SLC45A4: variants seen among roughly 807,000 people sequenced by gnomAD.
The protein encoded by SLC45A4 is polyamine-transporter SLC45A4.
In SLC45A4, 32 loss-of-function variants were observed where a neutral mutation model predicts 63.7. That is an observed-to-expected ratio of 0.50 (90% CI 0.38 to 0.67). The LOEUF is 0.67. Ranked by LOEUF, SLC45A4 falls within the 30% of genes least tolerant of loss-of-function variation. The probability of loss-of-function intolerance (pLI) is 0.00; values close to 1 mark genes in which losing one functional copy is unlikely to be tolerated. For synonymous variants in SLC45A4, 535 were observed against 510.0 expected, an observed-to-expected ratio of 1.05 and a Z score of -0.66; for missense variants, 1,027 against 1,157.7, an observed-to-expected ratio of 0.89 and a Z score of 1.64.
rs893029371 is a variant in SLC45A4 at position 141,210,748 on chromosome 8, C to CA, written c.*823dup. The CA allele has an allele frequency of 9.9e-5, 15 of 152,270 alleles. No homozygotes were observed. The highest frequency in any genetic ancestry group is 3.4e-4 in the African/African-American group (14 of 41,554). 9.4% of individuals were successfully genotyped at this position (152,270 alleles called of 1,614,324 possible). On this transcript the variant is annotated 3_prime_UTR_variant, in exon 9 of 9. Transcript: ENST00000517878. The stretch of plus-strand genomic sequence containing the variant: ...ATTTCAAAGTACTTTATTTAAAAAA[C>CA]AACTTGAGGCAGCAAAAGTATTAAT...
intron 1 of SLC45A4, among the ~76,000 whole-genome samples, chr8:141,297,169 C>T (rs1246551471): frequency 6.6e-6 from 1 of 152,184 alleles, no homozygotes; most frequent in Non-Finnish European, 1.5e-5. Context: ...TCTACACCAT[C>T]CACTTGGTGC....
At chr8:141,233,049 G>A (rs1827446757) in intron 2 of SLC45A4, among the ~76,000 whole-genome samples, 1 of 152,268 alleles carries the variant, frequency 6.6e-6, no homozygotes, top group African/African-American at 2.4e-5. Context: ...CAAGGCGAAA[G>A]GGAGTCGGGC....
At chr8:141,287,410 A>G (rs1323906352) in intron 1 of SLC45A4, among the ~76,000 whole-genome samples, 1 of 152,188 alleles carries the variant, frequency 6.6e-6, no homozygotes, top group Non-Finnish European at 1.5e-5. Flanking sequence ...AATAACCCAC[A>G]CGCAGGGCAC....
chr8:141,238,796 CCCACAGTACAGCTGCCA>C (rs1827752234), intron 2 of SLC45A4, among the ~76,000 whole-genome samples: 1 of 152,184 alleles, frequency 6.6e-6, no homozygotes, highest in Non-Finnish European at 1.5e-5. Flanking sequence ...GGTGCCTGCA[CCCACAGTACAGCTGCCA>C]GGGGGCCGGC....
At chr8:141,217,059 C>T (rs745528826) in intron 6 of SLC45A4, 31 bp downstream of exon 6, 24 of 1,603,050 alleles carry the variant, frequency 1.5e-5, no homozygotes, top group Admixed American at 8.4e-5. Flanking sequence ...TTCTGGGGTG[C>T]GAGTGCTGAC....
intron 2 of SLC45A4, among the ~76,000 whole-genome samples, chr8:141,249,156 G>A (rs141469816): frequency 1.0e-3 from 154 of 152,218 alleles, no homozygotes; most frequent in African/African-American, 3.4e-3. Flanking sequence ...ACTGTCCTAC[G>A]CTGCAGTGGG....
intron 1 of SLC45A4, among the ~76,000 whole-genome samples, chr8:141,257,201 C>G (rs745587342): frequency 2.6e-5 from 4 of 152,190 alleles, no homozygotes; most frequent in Non-Finnish European, 4.4e-5. Context: ...TAAGAAACCA[C>G]CCAGGTTTAA....
rs1295886013 is a variant in SLC45A4 at position 141,215,546 on chromosome 8, G to A, written c.1941+213C>T. ...CCTCTGGAGGTGCTAGGGGGGTGGG[G>A]GCGGCTGAAGGAGAAGACCCTTTGT... On this transcript the variant is annotated intron_variant, in intron 7 of 8. Transcript: ENST00000517878. The surrounding 1 kb of genome is among the most constrained non-coding windows in gnomAD (Gnocchi z 4.3). 1.3e-5 allele frequency among the ~76,000 whole-genome samples: 2 copies of A among 152,080 alleles called. No homozygotes were observed. The highest frequency in any genetic ancestry group is 2.4e-5 in the African/African-American group (1 of 41,400).
chr8:141,232,805 C>A (rs12680657), intron 2 of SLC45A4, among the ~76,000 whole-genome samples: 1 of 152,156 alleles, frequency 6.6e-6, no homozygotes, highest in Non-Finnish European at 1.5e-5. Context: ...CCCAGGTGAG[C>A]GCTCGCGAGC....
chr8:141,305,808 T>C (rs1379531635), intron 1 of SLC45A4, among the ~76,000 whole-genome samples: 1 of 152,150 alleles, frequency 6.6e-6, no homozygotes, highest in African/African-American at 2.4e-5. Flanking sequence ...ACCTCTCTCC[T>C]GACAACACAG....
rs529496490 is a variant in SLC45A4 at position 141,219,530 on chromosome 8, G to A, written c.610+120C>T. 7 of 1,264,946 alleles carry A rather than the reference G, an allele frequency of 5.5e-6. No homozygotes were observed. The African/African-American group carries it at 7.5e-5, about 14-fold the overall frequency. 78.4% of individuals were successfully genotyped at this position (1,264,946 alleles called of 1,614,324 possible). ...TTCCAGCCCTAAGACCCTGCCCACT[G>A]CCTCAACCCTCCATGCAGCCTGATG... On this transcript the variant is annotated intron_variant, in intron 4 of 8. Coordinates refer to ENST00000517878, the MANE Select transcript of SLC45A4 (RefSeq NM_001286646.2).
At chr8:141,266,179 C>T (rs755776457) in intron 1 of SLC45A4, among the ~76,000 whole-genome samples, 14 of 152,186 alleles carry the variant, frequency 9.2e-5, no homozygotes, top group African/African-American at 1.2e-4. Flanking sequence ...CTAGCGAGTC[C>T]GGACAACACG....
rs139460395 is a variant in SLC45A4 at position 141,209,295 on chromosome 8, C to T, written c.*2277G>A. On this transcript the variant is annotated 3_prime_UTR_variant, in exon 9 of 9. Transcript: ENST00000517878. ...CGCTTTGCAGACAAGACAGCCTGCCCGTCTGCCCTTCTTCTCGGCTTCCCT... is the reference window on the plus strand; with the variant it reads ...CGCTTTGCAGACAAGACAGCCTGCCTGTCTGCCCTTCTTCTCGGCTTCCCT... 3.1e-4 allele frequency: 47 copies of T among 152,562 alleles called. No individual in the cohort carries two copies. Among genetic ancestry groups the T allele is most frequent in the Non-Finnish European group, 5.4e-4 (37 of 68,152 alleles). The allele number at this position is 152,562 out of a possible 1,614,324, so 9.5% of individuals were successfully genotyped here. A position where few individuals can be genotyped will look rare whatever the true frequency, so the allele number is the denominator to read the frequency against.
intron 2 of SLC45A4, among the ~76,000 whole-genome samples, chr8:141,246,897 T>C (rs534271003): frequency 4.7e-4 from 72 of 152,310 alleles, no homozygotes; most frequent in Non-Finnish European, 9.0e-4. Flanking sequence ...GGAGGATTGC[T>C]TGAGCCCAGG....
chr8:141,273,725 A>G (rs1361985274), intron 1 of SLC45A4, among the ~76,000 whole-genome samples: 5 of 152,036 alleles, frequency 3.3e-5, no homozygotes, highest in African/African-American at 1.2e-4. Flanking sequence ...AGTCAAATCA[A>G]AGCGGTTTCC....
intron 2 of SLC45A4, among the ~76,000 whole-genome samples, chr8:141,242,069 A>C (rs1285271007): frequency 6.6e-6 from 1 of 152,254 alleles, no homozygotes; most frequent in Non-Finnish European, 1.5e-5. Context: ...AGCTCCCTGC[A>C]CAGATGAGAT....
At chr8:141,252,928 C>CGT (rs1268917964) in intron 2 of SLC45A4, among the ~76,000 whole-genome samples, 3 of 142,868 alleles carry the variant, frequency 2.1e-5, no homozygotes, top group African/African-American at 2.6e-5. Flanking sequence ...TGCCCACCTG[C>CGT]GTGTCTGTGA....
At chr8:141,238,151 C>T (rs933789009) in intron 2 of SLC45A4, among the ~76,000 whole-genome samples, 6 of 152,220 alleles carry the variant, frequency 3.9e-5, no homozygotes, top group South Asian at 4.1e-4. Context: ...GGGCAGCAGA[C>T]GCGTGCCCGA....
intron 3 of SLC45A4, 94 bp downstream of exon 3, chr8:141,221,483 T>G: frequency 6.9e-7 from 1 of 1,446,196 alleles, no homozygotes; most frequent in Non-Finnish European, 9.3e-7. Flanking sequence ...TCAGCCTGAA[T>G]ATTCAACACC....
Sources: allele counts gnomAD v4.1 joint callset (sites outside exome capture counted in the v4.1 genomes callset), GRCh38; gene constraint gnomAD v4.1.1; non-coding constraint Gnocchi (gnomAD v3.1); transcripts MANE v1.5; gene names NCBI Gene and HGNC (gene_info 2026-07-23, HGNC 2026-07-21).